ANO3: variants seen among roughly 807,000 people sequenced by gnomAD.
The protein encoded by ANO3 is anoctamin 3.
In ANO3, 99 loss-of-function variants were observed where a neutral mutation model predicts 144.8. The ratio of observed to expected loss-of-function variants is 0.68; its 90% CI spans 0.58 to 0.81. The LOEUF is 0.81. Ranked by LOEUF, ANO3 falls within the 30% of genes least tolerant of loss-of-function variation. The pLI is 0.00. For missense variants in ANO3, 905 were observed against 1,202.2 expected (o/e 0.75, Z 3.66); for synonymous variants, 414 against 392.6 (o/e 1.05, Z -0.64).
chr11:26,346,070 T>C (rs956543308), intron 1 of ANO3, among the ~76,000 whole-genome samples: 1 of 152,200 alleles, frequency 6.6e-6, no homozygotes, highest in Non-Finnish European at 1.5e-5. Context: ...CATGTTATGT[T>C]ACATAGATCT....
chr11:26,486,052 A>C (rs1014227274), intron 4 of ANO3, among the ~76,000 whole-genome samples: 2 of 149,558 alleles, frequency 1.3e-5, no homozygotes, highest in Non-Finnish European at 3.0e-5. Flanking sequence ...AATATTCCTT[A>C]TGAAATTTAT....
Position 26,553,223 on chromosome 11 carries a change from TG to T in ANO3, c.1290-25del, listed in dbSNP as rs369329895. ...CACAGTTTCATGCTATGTTTTGTTT[TG>T]TTTTTGTTTTTGTTTTTTCTCAAGC... On this transcript the variant is annotated intron_variant, in intron 12 of 26. Coordinates refer to ENST00000256737, the MANE Select transcript of ANO3 (RefSeq NM_031418.4). 3.8e-3 allele frequency: 4,663 copies of T among 1,213,096 alleles called. 238 individuals are homozygous for T. Among genetic ancestry groups the T allele is most frequent in the East Asian group, 7.2e-3 (281 of 39,120 alleles). 75.1% of individuals were successfully genotyped at this position (1,213,096 alleles called of 1,614,324 possible). A position where few individuals can be genotyped will look rare whatever the true frequency, so the allele number is the denominator to read the frequency against.
chr11:26,243,619 G>A (rs973573923), intron 1 of ANO3, among the ~76,000 whole-genome samples: 1 of 152,164 alleles, frequency 6.6e-6, no homozygotes, highest in Non-Finnish European at 1.5e-5. Context: ...CTTCTCAGAA[G>A]CAAAGCACAC....
At chr11:26,644,851 A>ACACACACC (rs1432689545) in intron 23 of ANO3, among the ~76,000 whole-genome samples, 2 of 150,044 alleles carry the variant, frequency 1.3e-5, no homozygotes, top group Non-Finnish European at 3.0e-5. Context: ...ACACACACAT[A>ACACACACC]CCATATATAC....
At chr11:26,368,674 G>A (rs759919553) in intron 1 of ANO3, among the ~76,000 whole-genome samples, 3 of 151,928 alleles carry the variant, frequency 2.0e-5, no homozygotes, top group African/African-American at 7.3e-5. Context: ...GTGTGTGTCT[G>A]TGTGTGTGCG....
chr11:26,339,854 C>T (rs997019371), intron 1 of ANO3, among the ~76,000 whole-genome samples: 5 of 152,168 alleles, frequency 3.3e-5, no homozygotes, highest in Admixed American at 2.6e-4. Flanking sequence ...GTTATTCTTT[C>T]CTCTTAAACT....
intron 4 of ANO3, among the ~76,000 whole-genome samples, chr11:26,500,160 A>T (rs1861135485): frequency 6.6e-6 from 1 of 151,988 alleles, no homozygotes; most frequent in Admixed American, 6.6e-5. Flanking sequence ...CTATTGCCAA[A>T]TATTTTATTG....
chr11:26,355,861 C>T (rs1855769236), intron 1 of ANO3, among the ~76,000 whole-genome samples: 1 of 152,088 alleles, frequency 6.6e-6, no homozygotes, highest in South Asian at 2.1e-4. Flanking sequence ...TGCCAAGCCC[C>T]CGCCGAAAAT....
At chr11:26,600,632 T>G (rs1466927870) in intron 17 of ANO3, among the ~76,000 whole-genome samples, 1 of 122,398 alleles carries the variant, frequency 8.2e-6, no homozygotes, top group Non-Finnish European at 1.7e-5. Flanking sequence ...CCCTCCCTCC[T>G]TCCCTCCCTC....
intron 1 of ANO3, among the ~76,000 whole-genome samples, chr11:26,438,273 G>C (rs532747155): frequency 2.3e-4 from 35 of 152,178 alleles, no homozygotes; most frequent in Non-Finnish European, 4.3e-4. Context: ...CCAAAAGCAT[G>C]AACTATAAAA....
chr11:26,323,733 C>A (rs1378001644), intron 1 of ANO3, among the ~76,000 whole-genome samples: 1 of 151,962 alleles, frequency 6.6e-6, no homozygotes, highest in Non-Finnish European at 1.5e-5. Flanking sequence ...TCCATTAAAG[C>A]AAAGAAAATA....
At chr11:26,653,070 CTTA>C (rs1249983474) in intron 24 of ANO3, among the ~76,000 whole-genome samples, 1 of 152,178 alleles carries the variant, frequency 6.6e-6, no homozygotes, top group Non-Finnish European at 1.5e-5. Context: ...AATCTATGGA[CTTA>C]TTATCTTCTG....
intron 8 of ANO3, among the ~76,000 whole-genome samples, chr11:26,532,580 C>CCATCCTATGCCCAGCACTATCACT (rs1849401613): frequency 6.6e-6 from 1 of 151,750 alleles, no homozygotes; most frequent in Admixed American, 6.6e-5. Flanking sequence ...GCACTATCAC[C>CCATCCTATGCCCAGCACTATCACT]CCATCTTCTG....
intron 1 of ANO3, among the ~76,000 whole-genome samples, chr11:26,273,328 C>T (rs1853487570): frequency 6.6e-6 from 1 of 150,848 alleles, no homozygotes; most frequent in Admixed American, 6.6e-5. Context: ...CCCCCATACA[C>T]AATGTTTCTA....
intron 1 of ANO3, among the ~76,000 whole-genome samples, chr11:26,280,077 T>G (rs1355899223): frequency 6.6e-6 from 1 of 152,156 alleles, no homozygotes; most frequent in Admixed American, 6.5e-5. Context: ...TCTCCAATTG[T>G]TAACTCTTTC....
chr11:26,482,355 C>A (rs986260348), intron 4 of ANO3, among the ~76,000 whole-genome samples: 2 of 151,552 alleles, frequency 1.3e-5, no homozygotes, highest in African/African-American at 4.8e-5. Context: ...TGATTTGGGA[C>A]TGATTTTGTT....
intron 1 of ANO3, among the ~76,000 whole-genome samples, chr11:26,267,083 T>G (rs1320563719): frequency 1.3e-5 from 2 of 148,168 alleles, no homozygotes; most frequent in African/African-American, 5.0e-5. Flanking sequence ...CAAAGCAAGA[T>G]TCCGTCAAAC....
At chr11:26,285,441 A>G (rs1370600135) in intron 1 of ANO3, among the ~76,000 whole-genome samples, 5 of 152,180 alleles carry the variant, frequency 3.3e-5, no homozygotes, top group African/African-American at 7.2e-5. Flanking sequence ...ATTTTAAATG[A>G]ATATTTAATA....
intron 1 of ANO3, among the ~76,000 whole-genome samples, chr11:26,222,323 G>A (rs1318634808): frequency 1.3e-5 from 2 of 152,210 alleles, no homozygotes; most frequent in East Asian, 1.9e-4. Flanking sequence ...GGGCTCCCAA[G>A]GCCTTGGAAA....
Sources: allele counts gnomAD v4.1 joint callset (sites outside exome capture counted in the v4.1 genomes callset), GRCh38; gene constraint gnomAD v4.1.1; transcripts MANE v1.5; gene names NCBI Gene and HGNC (gene_info 2026-07-23, HGNC 2026-07-21).